Variants in PHTF2 observed in about 807,000 individuals in gnomAD.
PHTF2 encodes the protein protein PHTF2.
PHTF2 carries 60 observed loss-of-function variants against 101.2 expected under a neutral mutation model. That is an observed-to-expected ratio of 0.59 (90% CI 0.48 to 0.73). The LOEUF (loss-of-function observed/expected upper bound fraction) is 0.73, where lower values mean the gene tolerates loss of function less well. Among genes scored for constraint, PHTF2 ranks in the 30% least tolerant of loss-of-function variants. PHTF2 has a pLI of 0.00. For missense variants in PHTF2, 747 were observed against 908.7 expected, an observed-to-expected ratio of 0.82 and a Z score of 2.29; for synonymous variants, 311 against 307.3, an observed-to-expected ratio of 1.01 and a Z score of -0.13.
chr7:77,948,636 A>G (rs1227663760), intron 16 of PHTF2, among the ~76,000 whole-genome samples: 1 of 152,226 alleles, frequency 6.6e-6, no homozygotes, highest in African/African-American at 2.4e-5. Context: ...GTAGAATATA[A>G]AAAGATAACT....
rs369412565 is a variant in PHTF2 at position 77,820,829 on chromosome 7, A to G, written c.-35-19392A>G. Among the ~76,000 whole-genome samples, 4 of 151,576 alleles carry G rather than the reference A, an allele frequency of 2.6e-5. No homozygotes were observed. In the East Asian group the frequency reaches 7.8e-4, roughly 29 times the overall value. ...ATTGATTGTTTTCTTCTTGTTTTCTATTTCCTTTTTTCCTCTCTTATTGTT... is the reference window on the plus strand; with the variant it reads ...ATTGATTGTTTTCTTCTTGTTTTCTGTTTCCTTTTTTCCTCTCTTATTGTT... On this transcript the variant is annotated intron_variant, in intron 1 of 19. Coordinates refer to ENST00000416283, the Ensembl canonical transcript of PHTF2.
chr7:77,923,957 C>CTG, intron 11 of PHTF2: 1 of 939,940 alleles, frequency 1.1e-6, no homozygotes, highest in Non-Finnish European at 1.3e-6. Context: ...CTAAGTAAGG[C>CTG]TGATAGTAAG....
intron 3 of PHTF2, among the ~76,000 whole-genome samples, chr7:77,886,967 G>C (rs2150771820): frequency 6.6e-6 from 1 of 151,680 alleles, no homozygotes; most frequent in South Asian, 2.1e-4. Context: ...GATTGATTGA[G>C]CCTGGGAGAT....
At chr7:77,878,892 G>C (rs565162342) in intron 3 of PHTF2, among the ~76,000 whole-genome samples, 43 of 152,212 alleles carry the variant, frequency 2.8e-4, no homozygotes, top group South Asian at 8.3e-4. Flanking sequence ...GGTTATTGAG[G>C]GACCCCTGAA....
Position 77,859,549 on chromosome 7 carries a change from TTTTC to T in PHTF2, c.147+4726_147+4729del, listed in dbSNP as rs1186753970. 4.7e-5 allele frequency among the ~76,000 whole-genome samples: 7 copies of T among 148,458 alleles called. No individual in the cohort carries two copies. In the East Asian group the frequency reaches 9.7e-4, roughly 21 times the overall value. Reference sequence around the variant, plus strand: ...TTGCAAAACAGGAAGTGAGAATTTCTTTTCTTTCTTTCTTCTTTTTTTTTTTTTT... The same window carrying T: ...TTGCAAAACAGGAAGTGAGAATTTCTTTTCTTTCTTCTTTTTTTTTTTTTT... On this transcript the variant is annotated intron_variant, in intron 3 of 19. Transcript: ENST00000416283.
chr7:77,825,628 A>AG (rs1794644739), intron 1 of PHTF2, among the ~76,000 whole-genome samples: 2 of 152,226 alleles, frequency 1.3e-5, no homozygotes, highest in Non-Finnish European at 1.5e-5. Flanking sequence ...TCGTTGGATT[A>AG]TAGAAAAGTA....
intron 1 of PHTF2, among the ~76,000 whole-genome samples, chr7:77,832,447 G>C (rs532089797): frequency 6.6e-6 from 1 of 152,148 alleles, no homozygotes. Flanking sequence ...GACTTTGTCC[G>C]TGCTAGAAGA....
At chr7:77,817,777 C>A (rs942547268) in intron 1 of PHTF2, among the ~76,000 whole-genome samples, 5 of 151,982 alleles carry the variant, frequency 3.3e-5, no homozygotes, top group Non-Finnish European at 7.4e-5. Context: ...ATTTTTTGCC[C>A]ATCTTTAAAT....
At chr7:77,954,608 C>CTGTGTGTG (rs1230124124) in intron 19 of PHTF2, among the ~76,000 whole-genome samples, 1 of 99,876 alleles carries the variant, frequency 1.0e-5, no homozygotes, top group African/African-American at 4.2e-5. Flanking sequence ...TAAACAAGTA[C>CTGTGTGTG]TGTGTATATA....
At position 77,877,678 on chromosome 7, in the gene PHTF2, A is replaced by G. The variant is rs116683739; in HGVS notation, c.148-15930A>G. Among the ~76,000 whole-genome samples, 1,326 of 152,288 alleles carry G rather than the reference A, an allele frequency of 8.7e-3. 22 individuals are homozygous for G. The highest frequency in any genetic ancestry group is 0.03 in the African/African-American group (1,246 of 41,552). On this transcript the variant is annotated intron_variant, in intron 3 of 19. Transcript: ENST00000416283. ...CATTAAACTTGGGCCAGGAAAAACCACCATGGTGTTCTGCTTCTACTTTTC... is the reference window on the plus strand; with the variant it reads ...CATTAAACTTGGGCCAGGAAAAACCGCCATGGTGTTCTGCTTCTACTTTTC...
chr7:77,799,573 C>G (rs186826605), intron 1 of PHTF2, among the ~76,000 whole-genome samples: 2 of 152,328 alleles, frequency 1.3e-5, no homozygotes, highest in East Asian at 3.9e-4. Flanking sequence ...GGATAGTTCC[C>G]GTCTGGAAAC....
chr7:77,817,581 A>G lies in PHTF2; in HGVS notation c.-36+18610A>G, dbSNP rs138774406. ...CTATCACAAGAATAGCATGAGGGAAACCACCCCAATGATTCAGTTACCTCC... is the reference window on the plus strand; with the variant it reads ...CTATCACAAGAATAGCATGAGGGAAGCCACCCCAATGATTCAGTTACCTCC... On this transcript the variant is annotated intron_variant, in intron 1 of 19. Transcript: ENST00000416283. 8.6e-4 allele frequency among the ~76,000 whole-genome samples: 129 copies of G among 149,324 alleles called. No individual in the cohort carries two copies. The East Asian group carries it at 0.021, about 24-fold the overall frequency.
At chr7:77,925,108 A>T (rs988016641) in intron 11 of PHTF2, among the ~76,000 whole-genome samples, 25 of 152,170 alleles carry the variant, frequency 1.6e-4, no homozygotes, top group Non-Finnish European at 3.4e-4. Context: ...CAGAAAGGTA[A>T]CATTTGATGA....
chr7:77,946,511 C>T (rs931956703), intron 16 of PHTF2, among the ~76,000 whole-genome samples: 5 of 152,068 alleles, frequency 3.3e-5, no homozygotes, highest in South Asian at 2.1e-4. Flanking sequence ...AATATCCAAG[C>T]GACTTTACAG....
At chr7:77,888,746 C>T (rs115496483) in intron 3 of PHTF2, among the ~76,000 whole-genome samples, 77 of 151,944 alleles carry the variant, frequency 5.1e-4, no homozygotes, top group African/African-American at 1.8e-3. Flanking sequence ...CTTGGCCTTG[C>T]GATTTAATTT....
At chr7:77,872,120 A>G (rs1798570484) in intron 3 of PHTF2, among the ~76,000 whole-genome samples, 1 of 152,234 alleles carries the variant, frequency 6.6e-6, no homozygotes, top group Admixed American at 6.5e-5. Context: ...CAATGGCTGC[A>G]GCCAGATCAG....
At chr7:77,872,581 C>T (rs1291160126) in intron 3 of PHTF2, among the ~76,000 whole-genome samples, 2 of 152,212 alleles carry the variant, frequency 1.3e-5, no homozygotes, top group Non-Finnish European at 2.9e-5. Context: ...CCCCTGCCAC[C>T]TCAGGATCCA....
At chr7:77,926,688 C>T (rs1028487026) in intron 11 of PHTF2, among the ~76,000 whole-genome samples, 7 of 151,904 alleles carry the variant, frequency 4.6e-5, no homozygotes, top group African/African-American at 1.2e-4. Context: ...CAATATTGGC[C>T]GCACATTCAG....
chr7:77,821,830 G>A (rs1353241341), intron 1 of PHTF2, among the ~76,000 whole-genome samples: 1 of 152,180 alleles, frequency 6.6e-6, no homozygotes, highest in African/African-American at 2.4e-5. Context: ...GCTAGAGGTG[G>A]CCCACAGGGA....
Sources: allele counts gnomAD v4.1 joint callset (sites outside exome capture counted in the v4.1 genomes callset), GRCh38; gene constraint gnomAD v4.1.1; transcripts MANE v1.5; gene names NCBI Gene and HGNC (gene_info 2026-07-23, HGNC 2026-07-21).